The following RCAN2 variants were observed in gnomAD, a reference collection of about 807,000 sequenced individuals.
RCAN2 encodes the protein calcipressin-2.
RCAN2 carries 9 observed loss-of-function variants against 23.6 expected under a neutral mutation model. The observed-to-expected ratio is 0.38, with a 90% CI of 0.23 to 0.67. RCAN2 has a LOEUF of 0.67. Among genes scored for constraint, RCAN2 ranks in the 30% least tolerant of loss-of-function variants. The probability of loss-of-function intolerance (pLI) is 0.51; values close to 1 mark genes in which losing one functional copy is unlikely to be tolerated. For missense variants in RCAN2, 273 were observed against 302.3 expected, an observed-to-expected ratio of 0.90 and a Z score of 0.72; for synonymous variants, 109 against 115.7, an observed-to-expected ratio of 0.94 and a Z score of 0.37.
intron 2 of RCAN2, among the ~76,000 whole-genome samples, chr6:46,344,408 T>A (rs1764421361): frequency 6.6e-6 from 1 of 152,130 alleles, no homozygotes; most frequent in East Asian, 1.9e-4. Flanking sequence ...AGAAGAGGAC[T>A]GGAAGGCATA....
At chr6:46,432,985 T>G (rs939325198) in intron 2 of RCAN2, among the ~76,000 whole-genome samples, 4 of 152,228 alleles carry the variant, frequency 2.6e-5, no homozygotes, top group Admixed American at 6.5e-5. Flanking sequence ...TTTACTTTTT[T>G]TGGAAGAGGA....
intron 2 of RCAN2, among the ~76,000 whole-genome samples, chr6:46,307,095 C>T (rs576032289): frequency 6.6e-6 from 1 of 152,148 alleles, no homozygotes; most frequent in East Asian, 1.9e-4. Flanking sequence ...TGTGTCTACC[C>T]CTGTGGTTCC....
intron 2 of RCAN2, among the ~76,000 whole-genome samples, chr6:46,455,843 C>T (rs1240091924): frequency 3.8e-5 from 5 of 131,620 alleles, no homozygotes; most frequent in African/African-American, 1.2e-4. Context: ...GGCAACAGAG[C>T]GAGATTCCGT....
intron 2 of RCAN2, among the ~76,000 whole-genome samples, chr6:46,376,972 T>C (rs1765491791): frequency 6.6e-6 from 1 of 152,124 alleles, no homozygotes; most frequent in African/African-American, 2.4e-5. Context: ...CATGGCTGTT[T>C]ATACTGGCCA....
intron 1 of RCAN2, among the ~76,000 whole-genome samples, chr6:46,475,330 T>C (rs1768682670): frequency 6.6e-6 from 1 of 152,236 alleles, no homozygotes; most frequent in Non-Finnish European, 1.5e-5. Context: ...GCTAATTTAT[T>C]GGCCATACAG....
chr6:46,308,137 T>C (rs1294624853), intron 2 of RCAN2, among the ~76,000 whole-genome samples: 1 of 152,122 alleles, frequency 6.6e-6, no homozygotes, highest in Non-Finnish European at 1.5e-5. Flanking sequence ...CTTGGCTCTG[T>C]GACTTGGGAG....
intron 2 of RCAN2, among the ~76,000 whole-genome samples, chr6:46,451,497 G>C (rs1181625133): frequency 6.6e-6 from 1 of 152,156 alleles, no homozygotes; most frequent in Non-Finnish European, 1.5e-5. Flanking sequence ...TCAGATTTTA[G>C]TACTATAGAT....
At chr6:46,309,990 G>A (rs1369626922) in intron 2 of RCAN2, among the ~76,000 whole-genome samples, 1 of 152,084 alleles carries the variant, frequency 6.6e-6, no homozygotes, top group Non-Finnish European at 1.5e-5. Context: ...AAATGAGGAA[G>A]CCCAAGTTAC....
chr6:46,292,741 A>G (rs1762608885), intron 2 of RCAN2, among the ~76,000 whole-genome samples: 1 of 151,836 alleles, frequency 6.6e-6, no homozygotes, highest in Non-Finnish European at 1.5e-5. Context: ...TTTTTATTAT[A>G]CTTTAAGTTC....
rs138933560 is a variant in RCAN2, at chr6:46,429,120, G to T, written c.225+27632C>A. Among the ~76,000 whole-genome samples the T allele has an allele frequency of 2.4e-3, 372 of 152,276 alleles. 1 individual carries two copies. The Middle Eastern group carries it at 0.038, about 15-fold the overall frequency. ...ACAGTGTAAGTAGTAGGGGCAAAAG[G>T]GGTGATCCAGGAGTCCTTTACAGAA... On this transcript the variant is annotated intron_variant, in intron 2 of 4. Transcript: ENST00000371374.
intron 2 of RCAN2, among the ~76,000 whole-genome samples, chr6:46,249,139 A>C (rs1253905372): frequency 2.6e-5 from 4 of 151,778 alleles, no homozygotes; most frequent in African/African-American, 9.7e-5. Context: ...AAAGTATATG[A>C]AACAAATGGG....
At chr6:46,425,557 T>TA (rs1315524708) in intron 2 of RCAN2, among the ~76,000 whole-genome samples, 1 of 152,292 alleles carries the variant, frequency 6.6e-6, no homozygotes, top group East Asian at 1.9e-4. Flanking sequence ...AGAATTTTTT[T>TA]AAAAAAAGAT....
At chr6:46,277,804 TAG>T (rs1219022430) in intron 2 of RCAN2, among the ~76,000 whole-genome samples, 8 of 152,090 alleles carry the variant, frequency 5.3e-5, no homozygotes, top group African/African-American at 1.9e-4. Flanking sequence ...TCTTCTTCAG[TAG>T]CTACTCCTCC....
intron 1 of RCAN2, among the ~76,000 whole-genome samples, chr6:46,487,426 CTT>C (rs1304696759): frequency 1.3e-5 from 2 of 152,288 alleles, no homozygotes; most frequent in East Asian, 3.9e-4. Context: ...AAGTAGGAAA[CTT>C]TGTCTTCAGA....
chr6:46,341,253 G>T (rs1194803404), intron 2 of RCAN2, among the ~76,000 whole-genome samples: 4 of 152,270 alleles, frequency 2.6e-5, no homozygotes, highest in South Asian at 2.1e-4. Flanking sequence ...GCCATCAAAT[G>T]ACTTGCTCTG....
chr6:46,365,922 A>C (rs1765160998), intron 2 of RCAN2, among the ~76,000 whole-genome samples: 1 of 152,182 alleles, frequency 6.6e-6, no homozygotes, highest in African/African-American at 2.4e-5. Context: ...TAGGTGCTCT[A>C]CTTGCATTAT....
chr6:46,391,666 G>C (rs753784620), intron 2 of RCAN2, among the ~76,000 whole-genome samples: 2 of 152,168 alleles, frequency 1.3e-5, no homozygotes. Context: ...GCTGTGGGCT[G>C]TGACAGTGGA....
chr6:46,226,506 T>G (rs1015448434), intron 4 of RCAN2, among the ~76,000 whole-genome samples: 3 of 152,228 alleles, frequency 2.0e-5, no homozygotes, highest in African/African-American at 7.2e-5. Flanking sequence ...TTCACATCCC[T>G]TCTAAGTTGA....
intron 2 of RCAN2, among the ~76,000 whole-genome samples, chr6:46,275,653 C>G (rs1424652326): frequency 6.6e-6 from 1 of 152,160 alleles, no homozygotes; most frequent in Non-Finnish European, 1.5e-5. Flanking sequence ...CTAGTGATGA[C>G]AAAGTGCTTG....
Sources: allele counts gnomAD v4.1 joint callset (sites outside exome capture counted in the v4.1 genomes callset), GRCh38; gene constraint gnomAD v4.1.1; transcripts MANE v1.5; gene names NCBI Gene and HGNC (gene_info 2026-07-23, HGNC 2026-07-21).